Variants in CFAP299 observed in about 807,000 individuals in gnomAD.
CFAP299 encodes the protein cilia and flagella associated protein 299.
A neutral mutation model predicts 27.0 loss-of-function variants in CFAP299; 21 were observed. The observed-to-expected ratio is 0.78, with a 90% CI of 0.55 to 1.12. The LOEUF (loss-of-function observed/expected upper bound fraction) is 1.12. Ranked by LOEUF, CFAP299 falls within the 50% of genes most tolerant of loss-of-function variation. The probability of loss-of-function intolerance (pLI) is 0.00; values close to 1 mark genes in which losing one functional copy is unlikely to be tolerated. For synonymous variants in CFAP299, 104 were observed against 98.1 expected (o/e 1.06, Z -0.36); for missense variants, 310 against 276.6 (o/e 1.12, Z -0.86).
intron 3 of CFAP299, among the ~76,000 whole-genome samples, chr4:80,692,758 C>T (rs889163353): frequency 6.6e-6 from 1 of 152,076 alleles, no homozygotes; most frequent in African/African-American, 2.4e-5. Flanking sequence ...AGTGAACAGG[C>T]AACCAACAAA....
chr4:80,760,105 A>AT (rs1471452525), intron 3 of CFAP299, among the ~76,000 whole-genome samples: 4 of 152,024 alleles, frequency 2.6e-5, no homozygotes, highest in Non-Finnish European at 4.4e-5. Flanking sequence ...AATTCATTCA[A>AT]TTTTTTCCTG....
intron 3 of CFAP299, among the ~76,000 whole-genome samples, chr4:80,689,059 C>T (rs1374319319): frequency 2.0e-5 from 3 of 152,168 alleles, no homozygotes; most frequent in Admixed American, 6.5e-5. Context: ...ACCAAATATA[C>T]GTCTGATTGG....
intron 2 of CFAP299, among the ~76,000 whole-genome samples, chr4:80,509,836 G>A (rs1038884476): frequency 1.3e-5 from 2 of 151,660 alleles, no homozygotes; most frequent in African/African-American, 4.8e-5. Context: ...CTGATTGCCT[G>A]GCCATCTTCT....
intron 2 of CFAP299, among the ~76,000 whole-genome samples, chr4:80,435,090 C>A (rs776337166): frequency 2.0e-5 from 3 of 152,096 alleles, no homozygotes; most frequent in Non-Finnish European, 4.4e-5. Context: ...ACAGAGAGTA[C>A]TATAATTTGA....
At chr4:80,505,127 T>G (rs1331892584) in intron 2 of CFAP299, among the ~76,000 whole-genome samples, 2 of 143,902 alleles carry the variant, frequency 1.4e-5, no homozygotes, top group African/African-American at 5.6e-5. Flanking sequence ...TGGGAAATCT[T>G]ATATATTGAT....
At chr4:80,611,391 C>G (rs1737969612) in intron 3 of CFAP299, among the ~76,000 whole-genome samples, 1 of 151,996 alleles carries the variant, frequency 6.6e-6, no homozygotes, top group Non-Finnish European at 1.5e-5. Flanking sequence ...ACATTATATT[C>G]AATAACTACA....
intron 3 of CFAP299, among the ~76,000 whole-genome samples, chr4:80,788,617 C>G (rs1385634003): frequency 2.0e-5 from 3 of 151,824 alleles, no homozygotes; most frequent in Non-Finnish European, 2.9e-5. Context: ...CTAGAACATC[C>G]TAAGTATTTT....
intron 3 of CFAP299, among the ~76,000 whole-genome samples, chr4:80,695,124 G>T (rs1299921209): frequency 5.9e-5 from 9 of 152,042 alleles, no homozygotes; most frequent in Admixed American, 1.3e-4. Flanking sequence ...TCCATATTTG[G>T]GGACAGGATA....
intron 3 of CFAP299, among the ~76,000 whole-genome samples, chr4:80,684,352 C>A (rs1274323533): frequency 1.3e-5 from 2 of 152,172 alleles, no homozygotes; most frequent in East Asian, 3.9e-4. Flanking sequence ...CAAGCTCCGC[C>A]TCCCAGGTTC....
intron 2 of CFAP299, among the ~76,000 whole-genome samples, chr4:80,397,598 T>C (rs967318969): frequency 4.6e-5 from 7 of 152,214 alleles, no homozygotes; most frequent in African/African-American, 1.7e-4. Flanking sequence ...TCTCATTATC[T>C]CAATAGATGC....
intron 3 of CFAP299, among the ~76,000 whole-genome samples, chr4:80,866,047 G>T (rs1165466126): frequency 2.7e-5 from 2 of 73,698 alleles, no homozygotes; most frequent in Non-Finnish European, 6.4e-5. Flanking sequence ...GTGCACCGTA[G>T]AACTTAAAGT....
chr4:80,693,352 G>A (rs1578028065), intron 3 of CFAP299, among the ~76,000 whole-genome samples: 1 of 151,978 alleles, frequency 6.6e-6, no homozygotes, highest in South Asian at 2.1e-4. Context: ...ATACACCATG[G>A]AATACTATGC....
At chr4:80,532,105 C>T (rs536941511) in intron 2 of CFAP299, among the ~76,000 whole-genome samples, 2 of 152,156 alleles carry the variant, frequency 1.3e-5, no homozygotes, top group South Asian at 4.1e-4. Flanking sequence ...TTAAGAGTCA[C>T]GGATGACATG....
At chr4:80,557,997 A>G (rs1734856192) in intron 2 of CFAP299, among the ~76,000 whole-genome samples, 1 of 152,110 alleles carries the variant, frequency 6.6e-6, no homozygotes, top group South Asian at 2.1e-4. Context: ...ATAACTTGGG[A>G]TCAAAAATCA....
chr4:80,455,201 G>A (rs1367864719), intron 2 of CFAP299, among the ~76,000 whole-genome samples: 1 of 152,170 alleles, frequency 6.6e-6, no homozygotes, highest in Non-Finnish European at 1.5e-5. Flanking sequence ...CAAGAAGGGG[G>A]TTTGTTTCAG....
At chr4:80,417,205 C>G (rs902259901) in intron 2 of CFAP299, among the ~76,000 whole-genome samples, 5 of 152,152 alleles carry the variant, frequency 3.3e-5, no homozygotes, top group Admixed American at 3.3e-4. Context: ...GGGGTGATTT[C>G]TAGCATGCTA....
chr4:80,451,087 G>T (rs1484627753), intron 2 of CFAP299, among the ~76,000 whole-genome samples: 1 of 152,106 alleles, frequency 6.6e-6, no homozygotes, highest in African/African-American at 2.4e-5. Context: ...AGAGTGGGTG[G>T]CTTAAGCAAC....
At chr4:80,743,496 A>T (rs1387849789) in intron 3 of CFAP299, among the ~76,000 whole-genome samples, 2 of 152,178 alleles carry the variant, frequency 1.3e-5, no homozygotes, top group African/African-American at 4.8e-5. Flanking sequence ...TATAAATATA[A>T]AAATATTACA....
chr4:80,346,429 T>C (rs1430180993), intron 1 of CFAP299, among the ~76,000 whole-genome samples: 2 of 152,236 alleles, frequency 1.3e-5, no homozygotes, highest in Non-Finnish European at 2.9e-5. Context: ...AAGTCTTTAA[T>C]CCATTTTGAA....
Sources: gnomAD v4.1 joint callset for allele counts (sites outside exome capture counted in the v4.1 genomes callset) on GRCh38, gnomAD v4.1.1 for gene constraint, MANE v1.5 for transcripts, NCBI Gene and HGNC (gene_info 2026-07-23, HGNC 2026-07-21) for gene names.